SLC66A2: variants seen among roughly 807,000 people sequenced by gnomAD.
SLC66A2 encodes PQ loop repeat containing 1.
In SLC66A2, 23 loss-of-function variants were observed where a neutral mutation model predicts 25.5. The ratio of observed to expected loss-of-function variants is 0.90; its 90% CI spans 0.65 to 1.28. The LOEUF (loss-of-function observed/expected upper bound fraction) is 1.28. SLC66A2 is among the 50% of genes most tolerant of loss of function. The pLI, the probability that SLC66A2 is intolerant of heterozygous loss-of-function variation, is 0.00. For synonymous variants in SLC66A2, 193 were observed against 166.5 expected, an observed-to-expected ratio of 1.16 and a Z score of -1.23; for missense variants, 396 against 373.1, an observed-to-expected ratio of 1.06 and a Z score of -0.51.
chr18:79,930,801 A>G (rs540821799), intron 4 of SLC66A2, among the ~76,000 whole-genome samples: 1 of 152,356 alleles, frequency 6.6e-6, no homozygotes, highest in African/African-American at 2.4e-5. Flanking sequence ...TAATAACTCC[A>G]TAATATATGT....
intron 4 of SLC66A2, among the ~76,000 whole-genome samples, chr18:79,928,156 G>C (rs1321501266): frequency 2.6e-5 from 4 of 152,340 alleles, no homozygotes; most frequent in Admixed American, 2.0e-4. Context: ...CACAAACACA[G>C]CATCATACAC....
In SLC66A2 at chr18:79,927,258, A is replaced by G. The variant is rs759920699; in HGVS notation, c.391+6711T>C. Among the ~76,000 whole-genome samples, 63 of 151,934 alleles carry G rather than the reference A, an allele frequency of 4.1e-4. No homozygotes were observed. The highest frequency in any genetic ancestry group is 3.4e-3 in the Middle Eastern group (1 of 294). ...TGCAGGCAGGGCTCAGCAGGACCCC[A>G]GGCGGGCACACAGGGGCTCATCTGG... On this transcript the variant is annotated intron_variant, in intron 4 of 5. Coordinates refer to ENST00000397778, the MANE Select transcript of SLC66A2 (RefSeq NM_025078.5). This position sits in a 1 kb window ranked among gnomAD's most constrained non-coding sequence, Gnocchi z 6.2.
rs1987567208 is a variant in SLC66A2 at position 79,940,517 on chromosome 18, G to A, written c.337+2812C>T. ...TAAAAAAAAAAACAGAACATGTTCA[G>A]AGCCAACAACCTTCCCTTAAAGGTG... On this transcript the variant is annotated intron_variant, in intron 3 of 5. Coordinates refer to ENST00000397778, the MANE Select transcript of SLC66A2 (RefSeq NM_025078.5). This position sits in a 1 kb window ranked among gnomAD's most constrained non-coding sequence, Gnocchi z 4.1. 6.6e-6 allele frequency among the ~76,000 whole-genome samples: 1 copy of A among 151,982 alleles called. No individual in the cohort carries two copies. The highest frequency in any genetic ancestry group is 2.4e-5 in the African/African-American group (1 of 41,366).
intron 3 of SLC66A2, among the ~76,000 whole-genome samples, chr18:79,942,319 C>A (rs533404476): frequency 1.3e-4 from 20 of 152,274 alleles, no homozygotes; most frequent in African/African-American, 4.8e-4. Flanking sequence ...TCTGTGGCCC[C>A]AACGACACTA....
intron 5 of SLC66A2, among the ~76,000 whole-genome samples, chr18:79,910,027 TCCCCAGACTTCCCCACACCCTC>T (rs1460763841): frequency 1.0e-4 from 9 of 87,248 alleles, no homozygotes; most frequent in Non-Finnish European, 1.5e-4. Flanking sequence ...CTCACCAGAG[TCCCCAGACTTCCCCACACCCTC>T]GCCAGAGTCC....
intron 5 of SLC66A2, among the ~76,000 whole-genome samples, chr18:79,905,558 T>C (rs888520244): frequency 6.6e-6 from 1 of 152,264 alleles, no homozygotes; most frequent in Non-Finnish European, 1.5e-5. Flanking sequence ...CGCCTGCCTT[T>C]CCTGCGCTAG....
chr18:79,943,190 ACTAT>A lies in SLC66A2; in HGVS notation c.337+135_337+138del, dbSNP rs1357679494. On this transcript the variant is annotated intron_variant, in intron 3 of 5. Coordinates refer to ENST00000397778, the MANE Select transcript of SLC66A2 (RefSeq NM_025078.5). ...TGAAGTCATTTAACATACTGAAAAC[ACTAT>A]CAGCTGGAGATAACAGCACCACTTG... 4.9e-6 allele frequency: 5 copies of A among 1,029,164 alleles called. No homozygotes were observed. The African/African-American group carries it at 8.1e-5, about 17-fold the overall frequency. The allele number at this position is 1,029,164 out of a possible 1,614,324, so 63.8% of individuals were successfully genotyped here.
chr18:79,911,959 C>T (rs1983232237), intron 5 of SLC66A2, among the ~76,000 whole-genome samples: 1 of 112,110 alleles, frequency 8.9e-6, no homozygotes, highest in African/African-American at 3.6e-5. Flanking sequence ...GGGACGGGAG[C>T]AGAGGGGACA....
At chr18:79,947,774 A>G (rs1599669832) in intron 2 of SLC66A2, among the ~76,000 whole-genome samples, 1 of 151,812 alleles carries the variant, frequency 6.6e-6, no homozygotes, top group African/African-American at 2.4e-5. Flanking sequence ...CCTACAAACC[A>G]TGAAATCAAA....
chr18:79,914,123 C>T (rs1878593215), intron 5 of SLC66A2, among the ~76,000 whole-genome samples: 1 of 152,214 alleles, frequency 6.6e-6, no homozygotes, highest in Non-Finnish European at 1.5e-5. Context: ...CCAGGCTGGT[C>T]TTGAACTCCT....
Position 79,902,677 on chromosome 18 carries a change from C to CCCGGCA in SLC66A2, c.*1293_*1298dup, listed in dbSNP as rs1981379001. ...TGGAACATCTTCCCATGGCCACGGC[C>CCCGGCA]CCGGCACAGAGCTCAGATGCCTGCG... On this transcript the variant is annotated 3_prime_UTR_variant, in exon 6 of 6. Transcript: ENST00000397778. 6.6e-6 allele frequency: 1 copy of CCCGGCA among 152,390 alleles called. No individual in the cohort carries two copies. The highest frequency in any genetic ancestry group is 2.1e-4 in the South Asian group (1 of 4,830). The allele number at this position is 152,390 out of a possible 1,614,324, so 9.4% of individuals were successfully genotyped here.
In SLC66A2 at chr18:79,904,541, C is replaced by G. The variant is rs192540073; in HGVS notation, c.609-358G>C. 2.0e-5 allele frequency among the ~76,000 whole-genome samples: 3 copies of G among 152,138 alleles called. No homozygotes were observed. The highest frequency in any genetic ancestry group is 2.1e-4 in the South Asian group (1 of 4,830). ...GAACAGTGAGACCAGCTCGAGGCTA[C>G]AGGGGACAGCAGGGCGAGCAGCTGA... On this transcript the variant is annotated intron_variant, in intron 5 of 5. Coordinates refer to ENST00000397778, the MANE Select transcript of SLC66A2 (RefSeq NM_025078.5). The surrounding 1 kb of genome is among the most constrained non-coding windows in gnomAD (Gnocchi z 6.3).
At chr18:79,913,948 GC>G (rs1416439811) in intron 5 of SLC66A2, among the ~76,000 whole-genome samples, 2 of 152,160 alleles carry the variant, frequency 1.3e-5, no homozygotes, top group Non-Finnish European at 2.9e-5. Flanking sequence ...TCACTCTGTT[GC>G]CCAGGCTGGA....
intron 4 of SLC66A2, among the ~76,000 whole-genome samples, chr18:79,923,692 A>G (rs1465475375): frequency 6.6e-6 from 1 of 152,192 alleles, no homozygotes; most frequent in Non-Finnish European, 1.5e-5. Context: ...ATGAATTTTT[A>G]GCTGTAAAAC....
rs189757687 is a variant in SLC66A2, at chr18:79,927,600, T to C, written c.391+6369A>G. The stretch of plus-strand genomic sequence containing the variant: ...AACAGGGACAGGCAGACGACACAGC[T>C]GGGGCCAGAGGACGACGCAGAGAGA... On this transcript the variant is annotated intron_variant, in intron 4 of 5. Coordinates refer to ENST00000397778, the MANE Select transcript of SLC66A2 (RefSeq NM_025078.5). The surrounding 1 kb of genome is among the most constrained non-coding windows in gnomAD (Gnocchi z 6.2). Among the ~76,000 whole-genome samples the C allele has an allele frequency of 4.6e-4, 70 of 152,068 alleles. No homozygotes were observed. Among genetic ancestry groups the C allele is most frequent in the African/African-American group, 1.6e-3 (66 of 41,470 alleles).
intron 2 of SLC66A2, among the ~76,000 whole-genome samples, chr18:79,948,758 G>A (rs1367457682): frequency 6.6e-6 from 1 of 152,156 alleles, no homozygotes; most frequent in Admixed American, 6.5e-5. Flanking sequence ...CATTATTTTG[G>A]AGAGAATTTA....
At chr18:79,913,664 C>T (rs1328098816) in intron 5 of SLC66A2, among the ~76,000 whole-genome samples, 5 of 152,180 alleles carry the variant, frequency 3.3e-5, no homozygotes, top group South Asian at 2.1e-4. Flanking sequence ...TGCAAGTACA[C>T]GAGACACAGG....
chr18:79,915,208 G>A (rs972180958), intron 5 of SLC66A2, among the ~76,000 whole-genome samples: 6 of 152,250 alleles, frequency 3.9e-5, no homozygotes, highest in Non-Finnish European at 7.4e-5. Context: ...CCGCCCGATG[G>A]TCACTCTTAA....
intron 2 of SLC66A2, chr18:79,947,387 G>A (rs1459479239): frequency 6.6e-6 from 1 of 152,324 alleles, no homozygotes; most frequent in Non-Finnish European, 1.5e-5. Context: ...AGAATCCCTG[G>A]GTTTGTACTG....
Sources: allele counts gnomAD v4.1 joint callset (sites outside exome capture counted in the v4.1 genomes callset), GRCh38; gene constraint gnomAD v4.1.1; non-coding constraint Gnocchi (gnomAD v3.1); transcripts MANE v1.5; gene names NCBI Gene and HGNC (gene_info 2026-07-23, HGNC 2026-07-21).